PARVG: variants seen among roughly 807,000 people sequenced by gnomAD.
PARVG encodes the protein parvin gamma, also known as gamma-parvin.
Under a neutral mutation model 44.4 loss-of-function variants are expected in PARVG, and 36 were observed. The ratio of observed to expected loss-of-function variants is 0.81; its 90% CI spans 0.62 to 1.07. The LOEUF is 1.07. Ranked by LOEUF, PARVG falls within the 50% of genes least tolerant of loss-of-function variation. The probability of loss-of-function intolerance (pLI) is 0.00; values close to 1 mark genes in which losing one functional copy is unlikely to be tolerated. For synonymous variants in PARVG, 170 were observed against 174.1 expected (o/e 0.98, Z 0.19); for missense variants, 407 against 407.4 (o/e 1.00, Z 0.01).
chr22:44,196,498 C>T (rs540808207), intron 11 of PARVG, 83 bp downstream of exon 11: 2 of 1,526,734 alleles, frequency 1.3e-6, no homozygotes, highest in East Asian at 4.5e-5. Context: ...GCCCTGGGAA[C>T]CTGCTGTGTG....
Position 44,201,025 on chromosome 22 carries a change from A to G in PARVG, c.813+2303A>G, listed in dbSNP as rs573828491. Among the ~76,000 whole-genome samples the G allele has an allele frequency of 6.0e-4, 91 of 151,956 alleles. 4 individuals carry two copies. The Middle Eastern group carries it at 0.024, about 40-fold the overall frequency. On this transcript the variant is annotated intron_variant, in intron 12 of 13. Coordinates refer to ENST00000444313, the MANE Select transcript of PARVG (RefSeq NM_022141.7). The stretch of plus-strand genomic sequence containing the variant: ...CAGCCACAGCCACAGCCACAGCCAC[A>G]TGACCTCTGGCCCCCTTCCAGCTCT...
chr22:44,175,012 C>G (rs745625543), intron 1 of PARVG, among the ~76,000 whole-genome samples: 10 of 152,174 alleles, frequency 6.6e-5, no homozygotes. Context: ...ATCCCAGCTA[C>G]TAGGGAGGCT....
chr22:44,173,028 C>T (rs1405143336), exon 1 of PARVG: 1 of 1,289,692 alleles, frequency 7.8e-7, no homozygotes, highest in Admixed American at 2.3e-5. Context: ...GAACAGGTGC[C>T]AGGGCGTTGT....
chr22:44,185,736 G>A (rs2054455586), intron 3 of PARVG, 72 bp from the exon 4 acceptor site: 2 of 1,349,712 alleles, frequency 1.5e-6, no homozygotes, highest in Non-Finnish European at 2.1e-6. Flanking sequence ...AAATCTGTGG[G>A]TGACCTGCAG....
intron 7 of PARVG, among the ~76,000 whole-genome samples, chr22:44,190,988 G>A (rs1465437446): frequency 6.6e-6 from 1 of 152,212 alleles, no homozygotes; most frequent in Non-Finnish European, 1.5e-5. Context: ...CCTGAGCCAT[G>A]CGTGGCCGTC....
chr22:44,205,858 G>A (rs1230240664), intron 13 of PARVG, 29 bp downstream of exon 13: 1 of 1,608,040 alleles, frequency 6.2e-7, no homozygotes, highest in East Asian at 2.2e-5. Flanking sequence ...CCCACACGGT[G>A]GCCAGCCCTG....
chr22:44,188,266 G>A, intron 5 of PARVG: 1 of 218,138 alleles, frequency 4.6e-6, no homozygotes, highest in Non-Finnish European at 9.4e-6. Flanking sequence ...TGGGGGCAGG[G>A]CTGGGCTCCT....
At chr22:44,196,515 G>A (rs1403192714) in intron 11 of PARVG, 100 bp downstream of exon 11, 3 of 1,408,736 alleles carry the variant, frequency 2.1e-6, no homozygotes, top group African/African-American at 2.8e-5. Flanking sequence ...TGTGGTGGGG[G>A]TTGCATCACC....
At chr22:44,204,752 C>A (rs1034981901) in intron 12 of PARVG, among the ~76,000 whole-genome samples, 1 of 152,242 alleles carries the variant, frequency 6.6e-6, no homozygotes, top group East Asian at 1.9e-4. Context: ...ATGTCCACCC[C>A]GTCTAGTGGA....
At position 44,208,231 on chromosome 22, in the gene PARVG, T is replaced by G. The variant is rs2054804232; in HGVS notation, c.*1805T>G. 1 of 152,254 alleles carries G rather than the reference T, an allele frequency of 6.6e-6. No homozygotes were observed. 9.4% of individuals were successfully genotyped at this position (152,254 alleles called of 1,614,324 possible). On this transcript the variant is annotated 3_prime_UTR_variant, in exon 14 of 14. Coordinates refer to ENST00000444313, the MANE Select transcript of PARVG (RefSeq NM_022141.7). Reference sequence around the variant, plus strand: ...ACTTATTTAATTACTGTAGCTTTATTGAAAAATAACTTCCCAGTTTGAAGT... The same window carrying G: ...ACTTATTTAATTACTGTAGCTTTATGGAAAAATAACTTCCCAGTTTGAAGT...
chr22:44,181,678 G>A (rs2147216434), intron 1 of PARVG, 64 bp from the exon 2 acceptor site: 3 of 982,262 alleles, frequency 3.1e-6, no homozygotes, highest in Non-Finnish European at 2.4e-6. Flanking sequence ...TCCGGGCAGA[G>A]CTTTCTGGAG....
chr22:44,189,939 G>A (rs758299357), intron 6 of PARVG, among the ~76,000 whole-genome samples: 1 of 152,042 alleles, frequency 6.6e-6, no homozygotes, highest in Non-Finnish European at 1.5e-5. Context: ...AAAACCAAGA[G>A]AGCGTGCCAA....
upstream of PARVG, among the ~76,000 whole-genome samples, chr22:44,176,061 G>A (rs1301347347): frequency 6.6e-6 from 1 of 152,194 alleles, no homozygotes; most frequent in Non-Finnish European, 1.5e-5. Flanking sequence ...GCTTTGGAAT[G>A]TAGTGCTAGA....
Position 44,206,615 on chromosome 22 carries a change from C to T in PARVG, c.*189C>T, listed in dbSNP as rs1434690304. The T allele has an allele frequency of 1.7e-6, 1 of 601,746 alleles. No homozygotes were observed. The highest frequency in any genetic ancestry group is 2.8e-5 in the East Asian group (1 of 35,200). The allele number at this position is 601,746 out of a possible 1,614,324, so 37.3% of individuals were successfully genotyped here. On this transcript the variant is annotated 3_prime_UTR_variant, in exon 14 of 14. Coordinates refer to ENST00000444313, the MANE Select transcript of PARVG (RefSeq NM_022141.7). ...GTGTGGATCATTTTGAGCCGCCTGG[C>T]CTTGCTCAGTTTATTTTAATAAAAG...
rs577754876 is a variant in PARVG at position 44,206,716 on chromosome 22, G to A, written c.*290G>A. On this transcript the variant is annotated 3_prime_UTR_variant, in exon 14 of 14. Coordinates refer to ENST00000444313, the MANE Select transcript of PARVG (RefSeq NM_022141.7). ...TAAACCTGCAGCCTCCCTCCCATGG[G>A]GTGAGTGTGTGTCACATCAGTCTCT... The A allele has an allele frequency of 8.2e-4, 337 of 410,432 alleles. 3 individuals carry two copies. Among genetic ancestry groups the A allele is most frequent in the South Asian group, 8.0e-3 (327 of 40,716 alleles). 25.4% of individuals were successfully genotyped at this position (410,432 alleles called of 1,614,324 possible).
rs551945073 is a variant in PARVG, at chr22:44,200,536, C to T, written c.813+1814C>T. On this transcript the variant is annotated intron_variant, in intron 12 of 13. Transcript: ENST00000444313. ...GGAGGCGTGCATCCCAAAGGACAGG[C>T]TGGAGTGTTGGTGGCTGGTGGCGTG... is the stretch of plus-strand genomic sequence containing the variant. Among the ~76,000 whole-genome samples the T allele has an allele frequency of 2.6e-5, 4 of 152,342 alleles. No homozygotes were observed. The East Asian group carries it at 5.8e-4, about 22-fold the overall frequency.
chr22:44,195,004 A>G (rs921105075), intron 9 of PARVG, among the ~76,000 whole-genome samples: 22 of 152,088 alleles, frequency 1.4e-4, no homozygotes, highest in African/African-American at 4.8e-4. Context: ...TACCCTCCCC[A>G]CTTAGACACA....
At chr22:44,196,454 C>A (rs761845073) in intron 11 of PARVG, 39 bp downstream of exon 11, 58 of 1,608,534 alleles carry the variant, frequency 3.6e-5, no homozygotes, top group Non-Finnish European at 4.5e-5. Flanking sequence ...CAGGGCAGGG[C>A]CACTGGCCGT....
At position 44,198,700 on chromosome 22, in the gene PARVG, C is replaced by T. The variant is rs764469957; in HGVS notation, c.791C>T (p.Thr264Ile). The change falls in exon 12 of 14, where the codon ACT becomes ATT. Residue 264 changes from threonine (T) to isoleucine (I), a missense_variant. Physicochemically the swap from Thr to Ile is moderately conservative, Grantham distance 89 (BLOSUM62 -1). Coordinates refer to ENST00000444313, the MANE Select transcript of PARVG (RefSeq NM_022141.7). ...FFLHLKEFYL[T>I]PNSPAEMLHN... Reference sequence around the variant, plus strand: ...CTGCACTTAAAGGAATTCTACCTCACTCCCAACTCTCCTGCAGAAATGGTA... The same window carrying T: ...CTGCACTTAAAGGAATTCTACCTCATTCCCAACTCTCCTGCAGAAATGGTA... 1.9e-6 allele frequency: 3 copies of T among 1,612,412 alleles called. No individual in the cohort carries two copies. Among genetic ancestry groups the T allele is most frequent in the Non-Finnish European group, 2.5e-6 (3 of 1,178,422 alleles).
Sources: gnomAD v4.1 joint callset for allele counts (sites outside exome capture counted in the v4.1 genomes callset) on GRCh38, gnomAD v4.1.1 for gene constraint, MANE v1.5 for transcripts, NCBI Gene and HGNC (gene_info 2026-07-23, HGNC 2026-07-21) for gene names.